Variants in LAMA3 observed in about 807,000 individuals in gnomAD.
LAMA3 encodes the protein laminin subunit alpha 3.
Under a neutral mutation model 402.0 loss-of-function variants are expected in LAMA3, and 281 were observed. That is an observed-to-expected ratio of 0.70 (90% CI 0.63 to 0.77). The LOEUF (loss-of-function observed/expected upper bound fraction) is 0.77, where lower values mean the gene tolerates loss of function less well. LAMA3 is among the 30% of genes least tolerant of loss of function. The pLI, the probability that LAMA3 is intolerant of heterozygous loss-of-function variation, is 0.00. For synonymous variants in LAMA3, 1,431 were observed against 1,558.4 expected, an observed-to-expected ratio of 0.92 and a Z score of 1.93; for missense variants, 3,840 against 4,215.5, an observed-to-expected ratio of 0.91 and a Z score of 2.47.
At chr18:23,935,684 A>C (rs780493210) in intron 67 of LAMA3, among the ~76,000 whole-genome samples, 1 of 152,174 alleles carries the variant, frequency 6.6e-6, no homozygotes. Flanking sequence ...ATACCTCATG[A>C]TGTTGATGTG....
chr18:23,866,691 T>A (rs1180816027), intron 36 of LAMA3, among the ~76,000 whole-genome samples: 1 of 152,216 alleles, frequency 6.6e-6, no homozygotes, highest in African/African-American at 2.4e-5. Context: ...TGAGAGGTAA[T>A]GACCAAATTT....
intron 9 of LAMA3, among the ~76,000 whole-genome samples, chr18:23,775,384 A>G (rs2062291798): frequency 6.6e-6 from 1 of 152,178 alleles, no homozygotes; most frequent in Non-Finnish European, 1.5e-5. Flanking sequence ...TCTGTATCAT[A>G]ACTGTGTATT....
At chr18:23,776,737 C>T (rs545746792) in intron 10 of LAMA3, among the ~76,000 whole-genome samples, 208 of 152,224 alleles carry the variant, frequency 1.4e-3, no homozygotes, top group Non-Finnish European at 2.8e-3. Context: ...TTAAATTGCA[C>T]CCACTTTCTC....
chr18:23,750,939 G>A lies in LAMA3; in HGVS notation c.706G>A (p.Gly236Ser), dbSNP rs759297463. The change falls in exon 5 of 75, where the codon GGT becomes AGT. Residue 236 changes from glycine (G) to serine (S), a missense_variant. Gly to Ser is a moderately conservative substitution (Grantham distance 56, BLOSUM62 0). Coordinates refer to ENST00000313654, the MANE Select transcript of LAMA3 (RefSeq NM_198129.4). The part of the protein sequence containing the change: ...NGEVVVSLIN[G>S]RPGAKNFTFS... ...TTAGGTTGTGGTGTCCTTGATAAAC[G>A]GTCGTCCAGGTGCAAAAAATTTTAC... The A allele has an allele frequency of 1.1e-5, 18 of 1,613,816 alleles. No homozygotes were observed. The highest frequency in any genetic ancestry group is 4.5e-5 in the East Asian group (2 of 44,886).
intron 2 of LAMA3, among the ~76,000 whole-genome samples, chr18:23,724,122 C>T (rs1028018004): frequency 6.6e-6 from 1 of 152,158 alleles, no homozygotes; most frequent in African/African-American, 2.4e-5. Flanking sequence ...TGAACGAGAA[C>T]ATACGATATT....
At chr18:23,767,248 C>G (rs1201579771) in intron 8 of LAMA3, among the ~76,000 whole-genome samples, 1 of 152,178 alleles carries the variant, frequency 6.6e-6, no homozygotes, top group African/African-American at 2.4e-5. Context: ...AAAGACATTC[C>G]ATGCTCATGG....
chr18:23,850,777 A>G (rs1439981440), intron 32 of LAMA3, among the ~76,000 whole-genome samples: 6 of 152,258 alleles, frequency 3.9e-5, no homozygotes, highest in African/African-American at 1.4e-4. Flanking sequence ...TTCTCTGAAC[A>G]TACAAAAGGG....
intron 38 of LAMA3, among the ~76,000 whole-genome samples, chr18:23,873,719 G>A (rs1018406643): frequency 6.6e-6 from 1 of 152,184 alleles, no homozygotes; most frequent in South Asian, 2.1e-4. Context: ...CCTGGATGCT[G>A]CATGTATTCT....
intron 57 of LAMA3, 31 bp downstream of exon 57, chr18:23,914,592 A>T (rs762282076): frequency 6.2e-7 from 1 of 1,613,032 alleles, no homozygotes; most frequent in South Asian, 1.1e-5. Context: ...ACCTGTGCTC[A>T]CCAAACTTCC....
intron 11 of LAMA3, 80 bp downstream of exon 11, chr18:23,777,699 A>G: frequency 1.9e-6 from 2 of 1,064,490 alleles, no homozygotes; most frequent in Non-Finnish European, 2.9e-6. Flanking sequence ...GTGCACTGCC[A>G]CATCCAAGGC....
intron 37 of LAMA3, among the ~76,000 whole-genome samples, chr18:23,870,410 C>T (rs1598963072): frequency 1.3e-5 from 2 of 152,254 alleles, no homozygotes; most frequent in South Asian, 2.1e-4. Context: ...GGTGCATCCA[C>T]TGTGGAAACA....
intron 36 of LAMA3, among the ~76,000 whole-genome samples, chr18:23,865,396 C>A (rs2064331152): frequency 6.6e-6 from 1 of 152,180 alleles, no homozygotes; most frequent in Non-Finnish European, 1.5e-5. Context: ...CTCAGCCTCC[C>A]AAAGCTCTGG....
At chr18:23,781,663 T>C (rs1185606636) in intron 11 of LAMA3, among the ~76,000 whole-genome samples, 1 of 152,186 alleles carries the variant, frequency 6.6e-6, no homozygotes, top group African/African-American at 2.4e-5. Context: ...AACTAAGTGT[T>C]ATTTTAGTGG....
chr18:23,851,611 G>A (rs762293874), intron 32 of LAMA3, among the ~76,000 whole-genome samples: 16 of 152,180 alleles, frequency 1.1e-4, no homozygotes, highest in Non-Finnish European at 2.1e-4. Flanking sequence ...CCAAGGTCAT[G>A]GCTGTCTGCC....
Position 23,825,718 on chromosome 18 carries a change from A to G in LAMA3, c.2572-984A>G, listed in dbSNP as rs573057364. ...TGAGGCAGAGGAAAATTCCATTGAT[A>G]CTAGTAACGGGTACAAAGTTGGACT... On this transcript the variant is annotated intron_variant, in intron 21 of 74. Transcript: ENST00000313654. Among the ~76,000 whole-genome samples the G allele has an allele frequency of 1.0e-3, 152 of 152,290 alleles. 1 individual carries two copies. Among genetic ancestry groups the G allele is most frequent in the Non-Finnish European group, 1.7e-3 (117 of 68,008 alleles).
At chr18:23,695,721 C>T (rs560139566) in intron 1 of LAMA3, among the ~76,000 whole-genome samples, 1 of 126,202 alleles carries the variant, frequency 7.9e-6, no homozygotes, top group African/African-American at 3.0e-5. Context: ...TTGCTTGAAC[C>T]CAGAGGTGGA....
Position 23,954,604 on chromosome 18 carries a change from G to T in LAMA3, c.9958G>T (p.Glu3320Ter). 6.2e-7 allele frequency: 1 copy of T among 1,613,994 alleles called. No individual in the cohort carries two copies. Among genetic ancestry groups the T allele is most frequent in the Non-Finnish European group, 8.5e-7 (1 of 1,180,006 alleles). ...HIPVPVTEAL[E>*]VQGPVSLNGC... ...CCCTGTCCCTGTCACTGAAGCCTTG[G>T]AAGTCCAGGGGCCTGTCAGTCTGAA... Residue 3320 changes from glutamate (E) to a stop codon, truncating the protein, a stop_gained, in exon 75 of 75, where the codon GAA becomes TAA. Coordinates refer to ENST00000313654, the MANE Select transcript of LAMA3 (RefSeq NM_198129.4). LOFTEE classifies it high-confidence loss of function.
intron 44 of LAMA3, among the ~76,000 whole-genome samples, chr18:23,896,536 G>A (rs1468858472): frequency 6.6e-6 from 1 of 152,110 alleles, no homozygotes; most frequent in Non-Finnish European, 1.5e-5. Context: ...GTCCATTTGG[G>A]TGAATGCTGT....
intron 67 of LAMA3, among the ~76,000 whole-genome samples, chr18:23,938,935 C>CA (rs2082397615): frequency 6.6e-6 from 1 of 152,128 alleles, no homozygotes; most frequent in Non-Finnish European, 1.5e-5. Flanking sequence ...AAAATGCTCA[C>CA]AAATCAAAGC....
Sources: gnomAD v4.1 joint callset for allele counts (sites outside exome capture counted in the v4.1 genomes callset) on GRCh38, gnomAD v4.1.1 for gene constraint, MANE v1.5 for transcripts, NCBI Gene and HGNC (gene_info 2026-07-23, HGNC 2026-07-21) for gene names.